The following LRRC7 variants were observed in gnomAD, a reference collection of about 807,000 sequenced individuals.
LRRC7 encodes the protein leucine-rich repeat-containing protein 7.
Under a neutral mutation model 175.7 loss-of-function variants are expected in LRRC7, and 23 were observed. The observed-to-expected ratio is 0.13, with a 90% CI of 0.09 to 0.19. The LOEUF is 0.19. Among genes scored for constraint, LRRC7 ranks in the 10% least tolerant of loss-of-function variants. The pLI, the probability that LRRC7 is intolerant of heterozygous loss-of-function variation, is 1.00. For missense variants in LRRC7, 1,354 were observed against 1,904.7 expected, an observed-to-expected ratio of 0.71 and a Z score of 5.38; for synonymous variants, 685 against 680.9, an observed-to-expected ratio of 1.01 and a Z score of -0.09.
chr1:69,859,269 T>G (rs1185912531), intron 7 of LRRC7, among the ~76,000 whole-genome samples: 2 of 152,106 alleles, frequency 1.3e-5, no homozygotes, highest in African/African-American at 4.8e-5. Flanking sequence ...AGAGTCTTGA[T>G]TTTTTCAGCA....
At chr1:69,808,838 T>A (rs1003206320) in intron 4 of LRRC7, among the ~76,000 whole-genome samples, 3 of 151,812 alleles carry the variant, frequency 2.0e-5, no homozygotes, top group Admixed American at 2.0e-4. Flanking sequence ...CACCCTAACA[T>A]CACAATTAAG....
intron 8 of LRRC7, among the ~76,000 whole-genome samples, chr1:69,951,241 C>G (rs551418555): frequency 6.6e-6 from 1 of 151,878 alleles, no homozygotes; most frequent in Admixed American, 6.6e-5. Context: ...CCTGAGATAC[C>G]ATCTCACATC....
At chr1:69,918,871 A>G (rs1345603009) in intron 7 of LRRC7, among the ~76,000 whole-genome samples, 1 of 152,202 alleles carries the variant, frequency 6.6e-6, no homozygotes, top group African/African-American at 2.4e-5. Context: ...ACCCTATGGG[A>G]CAGCTTTTCT....
At chr1:69,963,462 G>A (rs1416624886) in intron 8 of LRRC7, among the ~76,000 whole-genome samples, 2 of 152,116 alleles carry the variant, frequency 1.3e-5, no homozygotes, top group African/African-American at 4.8e-5. Context: ...AGTAAGCAAG[G>A]GTCAAATAAG....
intron 1 of LRRC7, among the ~76,000 whole-genome samples, chr1:69,662,844 C>T (rs1657682782): frequency 6.6e-6 from 1 of 152,208 alleles, no homozygotes; most frequent in African/African-American, 2.4e-5. Flanking sequence ...GTTCACTGTG[C>T]TTCAAACTCT....
At chr1:70,056,432 A>G (rs1661157888) in intron 23 of LRRC7, among the ~76,000 whole-genome samples, 1 of 152,196 alleles carries the variant, frequency 6.6e-6, no homozygotes, top group Non-Finnish European at 1.5e-5. Context: ...GATTTATACT[A>G]TGCCTCAACT....
chr1:70,006,968 T>C (rs1656047980), intron 11 of LRRC7, among the ~76,000 whole-genome samples: 1 of 152,216 alleles, frequency 6.6e-6, no homozygotes, highest in African/African-American at 2.4e-5. Context: ...GTGTGCCACC[T>C]GCCCAGCATT....
chr1:70,039,510 T>C lies in LRRC7; in HGVS notation c.3686T>C (p.Val1229Ala), dbSNP rs773071457. ...EVKAQAGSFP[V>A]KNLTQRRPLS... ...AAAGCTCAGGCGGGAAGTTTTCCGG[T>C]TAAAAACCTTACCCAAAGGAGGCCA... The change falls in exon 21 of 27, where the codon GTT becomes GCT. Residue 1229 changes from valine (V) to alanine (A), a missense_variant. Around this residue, in one of 4 missense-constraint regions of LRRC7, gnomAD observed 1,032 missense variants for 1,227.2 expected, o/e 0.84. Transcript: ENST00000651989. 4.3e-6 allele frequency: 7 copies of C among 1,614,004 alleles called. No homozygotes were observed. Among genetic ancestry groups the C allele is most frequent in the Non-Finnish European group, 5.1e-6 (6 of 1,180,032 alleles).
At chr1:69,822,023 C>T (rs575301371) in intron 4 of LRRC7, among the ~76,000 whole-genome samples, 1 of 152,254 alleles carries the variant, frequency 6.6e-6, no homozygotes, top group Non-Finnish European at 1.5e-5. Flanking sequence ...TACTGACTTG[C>T]TTCAGGAGAG....
chr1:69,620,801 T>A (rs931654345), intron 1 of LRRC7, among the ~76,000 whole-genome samples: 23 of 152,226 alleles, frequency 1.5e-4, no homozygotes, highest in African/African-American at 5.5e-4. Flanking sequence ...TCCTTTTATG[T>A]AAATGCACTT....
intron 1 of LRRC7, among the ~76,000 whole-genome samples, chr1:69,594,613 G>A (rs559398443): frequency 8.6e-5 from 13 of 151,924 alleles, no homozygotes; most frequent in Middle Eastern, 3.4e-3. Context: ...ACTAAGTCTC[G>A]TCCATACTCC....
At chr1:69,863,136 C>T (rs1684540930) in intron 7 of LRRC7, among the ~76,000 whole-genome samples, 1 of 152,240 alleles carries the variant, frequency 6.6e-6, no homozygotes, top group South Asian at 2.1e-4. Context: ...TCAACAAGTT[C>T]TGTCAAATCT....
intron 1 of LRRC7, among the ~76,000 whole-genome samples, chr1:69,669,941 CT>C (rs1658826228): frequency 2.0e-5 from 3 of 152,070 alleles, no homozygotes; most frequent in Admixed American, 6.6e-5. Context: ...TTATTTCCAT[CT>C]CTTAGTTAAA....
intron 10 of LRRC7, among the ~76,000 whole-genome samples, chr1:69,993,711 T>G (rs12023932): frequency 0.047 from 7,092 of 152,302 alleles, 173 homozygotes; most frequent in South Asian, 0.1. Flanking sequence ...ATTTTTTTTT[T>G]GCAGAATGCA....
chr1:70,046,519 G>A (rs530993936), intron 22 of LRRC7, among the ~76,000 whole-genome samples: 67 of 152,168 alleles, frequency 4.4e-4, no homozygotes, highest in African/African-American at 1.4e-3. Context: ...ACCAAAAAAA[G>A]AAGAAAAGTA....
chr1:70,059,327 G>A (rs1340331051), intron 23 of LRRC7, among the ~76,000 whole-genome samples: 4 of 152,056 alleles, frequency 2.6e-5, no homozygotes, highest in Non-Finnish European at 2.9e-5. Flanking sequence ...GATTAGTTTT[G>A]GCTCACAAAC....
chr1:70,014,034 G>T (rs1656752829), intron 13 of LRRC7: 1 of 151,948 alleles, frequency 6.6e-6, no homozygotes, highest in Non-Finnish European at 1.5e-5. Context: ...TTATTAAAAA[G>T]TTTGGAATGT....
chr1:69,858,825 G>T (rs1011249474), intron 7 of LRRC7, among the ~76,000 whole-genome samples: 1 of 152,076 alleles, frequency 6.6e-6, no homozygotes, highest in Non-Finnish European at 1.5e-5. Flanking sequence ...TCAAGGAATG[G>T]TCTTTTGAGT....
chr1:69,631,898 A>T (rs1652566415), intron 1 of LRRC7, among the ~76,000 whole-genome samples: 1 of 151,980 alleles, frequency 6.6e-6, no homozygotes, highest in Non-Finnish European at 1.5e-5. Flanking sequence ...CTTAAATCTG[A>T]TCATGTCTGT....
Sources: allele counts gnomAD v4.1 joint callset (sites outside exome capture counted in the v4.1 genomes callset), GRCh38; gene constraint gnomAD v4.1.1; regional missense constraint gnomAD v4.1.1; transcripts MANE v1.5; gene names NCBI Gene and HGNC (gene_info 2026-07-23, HGNC 2026-07-21).